TAFA2: variants seen among roughly 807,000 people sequenced by gnomAD.
TAFA2 encodes TAFA chemokine like family member 2.
Under a neutral mutation model 18.8 loss-of-function variants are expected in TAFA2, and 7 were observed. The ratio of observed to expected loss-of-function variants is 0.37; its 90% confidence interval spans 0.21 to 0.70. The LOEUF is 0.70. Among genes scored for constraint, TAFA2 ranks in the 30% least tolerant of loss-of-function variants. The probability of loss-of-function intolerance (pLI) is 0.53; values close to 1 mark genes in which losing one functional copy is unlikely to be tolerated. For synonymous variants in TAFA2, 60 were observed against 54.2 expected (o/e 1.11, Z -0.47); for missense variants, 122 against 158.1 (o/e 0.77, Z 1.23).
intron 4 of TAFA2, among the ~76,000 whole-genome samples, chr12:61,727,675 T>C (rs1358406973): frequency 6.6e-6 from 1 of 152,068 alleles, no homozygotes; most frequent in Non-Finnish European, 1.5e-5. Context: ...ATCAGCTTTT[T>C]GTTTCACTTA....
At chr12:62,062,695 A>G (rs1182205063) in intron 1 of TAFA2, among the ~76,000 whole-genome samples, 1 of 152,202 alleles carries the variant, frequency 6.6e-6, no homozygotes, top group Non-Finnish European at 1.5e-5. Context: ...GTCTCACCAG[A>G]CTAATATCAA....
intron 2 of TAFA2, among the ~76,000 whole-genome samples, chr12:61,757,130 G>A (rs187381191): frequency 2.0e-5 from 3 of 152,178 alleles, no homozygotes; most frequent in Non-Finnish European, 2.9e-5. Flanking sequence ...TTTAGAGATT[G>A]GGATGAAGAA....
At chr12:61,857,657 A>G (rs1873939021) in intron 2 of TAFA2, among the ~76,000 whole-genome samples, 1 of 152,174 alleles carries the variant, frequency 6.6e-6, no homozygotes, top group Admixed American at 6.5e-5. Flanking sequence ...CCTGAACAAG[A>G]CTTTTTCAAA....
At chr12:62,115,946 T>A (rs1209376269) in intron 1 of TAFA2, among the ~76,000 whole-genome samples, 1 of 152,008 alleles carries the variant, frequency 6.6e-6, no homozygotes, top group Non-Finnish European at 1.5e-5. Flanking sequence ...GCCTCCCAGA[T>A]AAAGGACAGT....
In TAFA2 at chr12:61,833,695, T is replaced by G. The variant is rs571483936; in HGVS notation, c.106+33625A>C. On this transcript the variant is annotated intron_variant, in intron 2 of 4. Coordinates refer to ENST00000416284, the MANE Select transcript of TAFA2 (RefSeq NM_178539.5). ...GTCATTTTCTTAATTTTTCTTCCTC[T>G]GTGACTATAATCCTCAGTAATTGCT... 1.1e-4 allele frequency among the ~76,000 whole-genome samples: 17 copies of G among 152,176 alleles called. No individual in the cohort carries two copies. In the South Asian group the frequency reaches 3.5e-3, roughly 32 times the overall value.
chr12:62,125,473 G>A (rs375186705), intron 1 of TAFA2, among the ~76,000 whole-genome samples: 6 of 152,080 alleles, frequency 3.9e-5, no homozygotes, highest in South Asian at 2.1e-4. Flanking sequence ...TCATCTTACC[G>A]TCGTGAAGAA....
At position 61,986,023 on chromosome 12, in the gene TAFA2, T is replaced by C. The variant is rs182289292; in HGVS notation, c.-1-118597A>G. On this transcript the variant is annotated intron_variant, in intron 1 of 4. Coordinates refer to ENST00000416284, the MANE Select transcript of TAFA2 (RefSeq NM_178539.5). Reference sequence around the variant, plus strand: ...ATACCATGGTGCTCATGGTATACAATAGCTTCCTCTGGTGACCTCGAAATA... The same window carrying C: ...ATACCATGGTGCTCATGGTATACAACAGCTTCCTCTGGTGACCTCGAAATA... 7.8e-4 allele frequency among the ~76,000 whole-genome samples: 119 copies of C among 152,252 alleles called. 3 individuals are homozygous for C. The South Asian group carries it at 0.02, about 25-fold the overall frequency.
At chr12:61,876,368 G>C (rs903305870) in intron 1 of TAFA2, among the ~76,000 whole-genome samples, 9 of 152,278 alleles carry the variant, frequency 5.9e-5, no homozygotes, top group Admixed American at 3.9e-4. Flanking sequence ...TTCTTTGTTA[G>C]GATAAAGTTT....
chr12:62,172,328 T>C (rs1000517720), intron 1 of TAFA2, among the ~76,000 whole-genome samples: 1 of 152,110 alleles, frequency 6.6e-6, no homozygotes, highest in African/African-American at 2.4e-5. Flanking sequence ...AAGGATCATA[T>C]AATCTAATGA....
intron 1 of TAFA2, among the ~76,000 whole-genome samples, chr12:61,951,619 G>A (rs1878470100): frequency 6.6e-6 from 1 of 151,140 alleles, no homozygotes; most frequent in African/African-American, 2.4e-5. Context: ...TAGAAGGAAA[G>A]GACATGAAGG....
intron 1 of TAFA2, among the ~76,000 whole-genome samples, chr12:62,132,280 G>A: frequency 7.1e-6 from 1 of 141,186 alleles, no homozygotes. Flanking sequence ...TCTATATTAA[G>A]AAAGGCCCAC....
intron 1 of TAFA2, among the ~76,000 whole-genome samples, chr12:62,066,505 A>G (rs1882492760): frequency 6.6e-6 from 1 of 151,802 alleles, no homozygotes. Flanking sequence ...CTCTATTTCA[A>G]TGAGTTCAAT....
At chr12:62,144,010 T>C (rs1419101447) in intron 1 of TAFA2, among the ~76,000 whole-genome samples, 6 of 136,774 alleles carry the variant, frequency 4.4e-5, no homozygotes, top group Non-Finnish European at 9.1e-5. Context: ...ATCATGCCAC[T>C]GCACTCCAGC....
At chr12:61,961,228 G>T (rs574491700) in intron 1 of TAFA2, among the ~76,000 whole-genome samples, 8 of 151,538 alleles carry the variant, frequency 5.3e-5, no homozygotes, top group African/African-American at 1.9e-4. Context: ...CACAAGGGGG[G>T]AAATCCACCC....
intron 1 of TAFA2, among the ~76,000 whole-genome samples, chr12:62,187,510 T>TATGC (rs1269329779): frequency 2.0e-5 from 3 of 152,212 alleles, no homozygotes; most frequent in Non-Finnish European, 2.9e-5. Context: ...TGTATGTATG[T>TATGC]ATGCATGTGC....
At chr12:62,111,869 G>A (rs1223095561) in intron 1 of TAFA2, among the ~76,000 whole-genome samples, 3 of 152,028 alleles carry the variant, frequency 2.0e-5, no homozygotes, top group African/African-American at 7.2e-5. Context: ...TTTATTTTGA[G>A]CCTATGTGTG....
At chr12:61,710,851 G>C (rs1869368170) in intron 4 of TAFA2, among the ~76,000 whole-genome samples, 1 of 152,030 alleles carries the variant, frequency 6.6e-6, no homozygotes, top group Non-Finnish European at 1.5e-5. Flanking sequence ...AAAAGCCCTT[G>C]GGGATTGGTT....
chr12:61,812,343 C>G (rs1371146443), intron 2 of TAFA2, among the ~76,000 whole-genome samples: 1 of 151,472 alleles, frequency 6.6e-6, no homozygotes, highest in Non-Finnish European at 1.5e-5. Flanking sequence ...ATCTGATGTC[C>G]TGATTGTATC....
At chr12:62,010,488 C>T (rs1222786257) in intron 1 of TAFA2, among the ~76,000 whole-genome samples, 3 of 152,112 alleles carry the variant, frequency 2.0e-5, no homozygotes, top group Non-Finnish European at 2.9e-5. Context: ...AGTGCAGTGG[C>T]GTGATCTCAG....
Sources: gnomAD v4.1 joint callset for allele counts (sites outside exome capture counted in the v4.1 genomes callset) on GRCh38, gnomAD v4.1.1 for gene constraint, MANE v1.5 for transcripts, NCBI Gene and HGNC (gene_info 2026-07-23, HGNC 2026-07-21) for gene names.